The following CPLX2 variants were observed in gnomAD, a reference collection of about 807,000 sequenced individuals.
The protein encoded by CPLX2 is complexin-2.
A neutral mutation model predicts 16.3 loss-of-function variants in CPLX2; 5 were observed. The observed-to-expected ratio is 0.31, with a 90% CI of 0.16 to 0.64. The LOEUF (loss-of-function observed/expected upper bound fraction) is 0.64. Ranked by LOEUF, CPLX2 falls within the 30% of genes least tolerant of loss-of-function variation. The probability of loss-of-function intolerance (pLI) is 0.79; values close to 1 mark genes in which losing one functional copy is unlikely to be tolerated. For missense variants in CPLX2, 144 were observed against 181.4 expected, an observed-to-expected ratio of 0.79 and a Z score of 1.18; for synonymous variants, 89 against 73.2, an observed-to-expected ratio of 1.22 and a Z score of -1.10.
At chr5:175,857,655 A>T (rs1759284721) in intron 2 of CPLX2, among the ~76,000 whole-genome samples, 1 of 152,224 alleles carries the variant, frequency 6.6e-6, no homozygotes, top group Admixed American at 6.5e-5. Context: ...GAGTGGTTGT[A>T]TGGGTACCTG....
At chr5:175,871,291 G>A (rs1008037514), upstream of CPLX2, among the ~76,000 whole-genome samples, 1 of 148,310 alleles carries the variant, frequency 6.7e-6, no homozygotes, top group Non-Finnish European at 1.5e-5. Context: ...TAAGGTGGAG[G>A]AGAGAGGGGA....
chr5:175,866,457 C>T (rs1279795605), intron 2 of CPLX2, among the ~76,000 whole-genome samples: 1 of 152,152 alleles, frequency 6.6e-6, no homozygotes, highest in East Asian at 1.9e-4. Flanking sequence ...GACTGATTTG[C>T]AGACATGAAA....
intron 2 of CPLX2, among the ~76,000 whole-genome samples, chr5:175,864,028 GT>G (rs1373066654): frequency 3.3e-5 from 5 of 152,240 alleles, no homozygotes; most frequent in African/African-American, 1.2e-4. Context: ...TTGTCTAGTG[GT>G]TAGTCTGCCC....
chr5:175,834,425 C>T (rs954427232), intron 2 of CPLX2, among the ~76,000 whole-genome samples: 82 of 152,274 alleles, frequency 5.4e-4, no homozygotes, highest in African/African-American at 1.9e-3. Flanking sequence ...ACTAAGTAGA[C>T]GCAGAGTCTG....
At position 175,880,866 on chromosome 5, in the gene CPLX2, A is replaced by C. The variant is rs371945163; in HGVS notation, c.*821A>C. On this transcript the variant is annotated 3_prime_UTR_variant, in exon 4 of 4. Coordinates refer to ENST00000393745, the MANE Select transcript of CPLX2 (RefSeq NM_001008220.2). ...TGGAGCCATCGGGTAGCGATGGTCT[A>C]TGCCATGGGGAACACCTCCATTGGT... 1 of 152,796 alleles carries C rather than the reference A, an allele frequency of 6.5e-6. No individual in the cohort carries two copies. The highest frequency in any genetic ancestry group is 1.5e-5 in the Non-Finnish European group (1 of 68,180). The allele number at this position is 152,796 out of a possible 1,614,324, so 9.5% of individuals were successfully genotyped here. A position where few individuals can be genotyped will look rare whatever the true frequency, so the allele number is the denominator to read the frequency against.
At chr5:175,854,900 G>A (rs1320557650) in intron 2 of CPLX2, among the ~76,000 whole-genome samples, 1 of 152,232 alleles carries the variant, frequency 6.6e-6, no homozygotes, top group African/African-American at 2.4e-5. Context: ...CAGGCGCTGT[G>A]CCAAGGCATC....
intron 2 of CPLX2, among the ~76,000 whole-genome samples, chr5:175,860,458 A>G (rs907186806): frequency 1.7e-4 from 23 of 134,842 alleles, no homozygotes; most frequent in East Asian, 7.2e-4. Context: ...AAGAGAGAGA[A>G]AGAAAGAGAG....
At chr5:175,803,269 GT>G (rs1231633590) in intron 1 of CPLX2, among the ~76,000 whole-genome samples, 1 of 152,198 alleles carries the variant, frequency 6.6e-6, no homozygotes, top group African/African-American at 2.4e-5. Context: ...GCCAATAACT[GT>G]TTTAGAAGCT....
Position 175,815,471 on chromosome 5 carries a change from AG to A in CPLX2, c.-89+6404del, listed in dbSNP as rs1458698272. Among the ~76,000 whole-genome samples, 4 of 152,218 alleles carry A rather than the reference AG, an allele frequency of 2.6e-5. No homozygotes were observed. The East Asian group carries it at 7.7e-4, about 29-fold the overall frequency. ...CTCCAGGGAGTGGAGTTACCACTCC[AG>A]CAGTTACCACACAGGCACGGGGCCC... is the stretch of plus-strand genomic sequence containing the variant. On this transcript the variant is annotated intron_variant, in intron 2 of 4. Coordinates refer to the CPLX2 transcript ENST00000359546.
At chr5:175,871,427 GAGAGAC>G (rs1759597472), upstream of CPLX2, 2 of 108,168 alleles carry the variant, frequency 1.8e-5, no homozygotes, top group Admixed American at 8.8e-5. Context: ...GAGAGAGAGA[GAGAGAC>G]AGAGAGAGAG....
intron 2 of CPLX2, among the ~76,000 whole-genome samples, chr5:175,836,095 A>G (rs1758829702): frequency 6.6e-6 from 1 of 152,146 alleles, no homozygotes; most frequent in South Asian, 2.1e-4. Context: ...TCACGCCTGT[A>G]ATTCCAGCAC....
At chr5:175,854,123 G>A (rs1208748768) in intron 2 of CPLX2, among the ~76,000 whole-genome samples, 1 of 152,184 alleles carries the variant, frequency 6.6e-6, no homozygotes, top group Non-Finnish European at 1.5e-5. Flanking sequence ...CCGGTGCCCT[G>A]TCCCCAGCAC....
intron 2 of CPLX2, among the ~76,000 whole-genome samples, chr5:175,836,213 G>A (rs1021068106): frequency 8.5e-5 from 13 of 152,262 alleles, no homozygotes; most frequent in Admixed American, 3.9e-4. Context: ...AGCTGGGCGT[G>A]GTGGCGGGCA....
Position 175,880,310 on chromosome 5 carries a change from C to G in CPLX2, c.*265C>G, listed in dbSNP as rs960348827. On this transcript the variant is annotated 3_prime_UTR_variant, in exon 4 of 4. Transcript: ENST00000393745. ...GGGTCAGGGGGGCCCCTCAGGAAGC[C>G]TAAGGTCGTGCTAGTGTGGTGACCC... 11 of 531,638 alleles carry G rather than the reference C, an allele frequency of 2.1e-5. No homozygotes were observed. Among genetic ancestry groups the G allele is most frequent in the African/African-American group, 1.3e-4 (7 of 52,396 alleles). The allele number at this position is 531,638 out of a possible 1,614,324, so 32.9% of individuals were successfully genotyped here. A position where few individuals can be genotyped will look rare whatever the true frequency, so the allele number is the denominator to read the frequency against.
intron 2 of CPLX2, among the ~76,000 whole-genome samples, chr5:175,846,987 A>C (rs940220741): frequency 6.6e-6 from 1 of 152,156 alleles, no homozygotes; most frequent in African/African-American, 2.4e-5. Flanking sequence ...GCCTCCTCAT[A>C]TGTAGTGCAG....
chr5:175,866,337 G>C (rs1046099082), intron 2 of CPLX2, among the ~76,000 whole-genome samples: 1 of 152,240 alleles, frequency 6.6e-6, no homozygotes. Context: ...GGTTGGAGGA[G>C]AGGAGACAGA....
At chr5:175,801,180 G>C (rs1458955627) in intron 1 of CPLX2, among the ~76,000 whole-genome samples, 1 of 100,102 alleles carries the variant, frequency 1.0e-5, no homozygotes, top group East Asian at 3.5e-4. Flanking sequence ...AAAAAAACTG[G>C]GTTTTAAAAA....
rs1382116270 is a variant in CPLX2, at chr5:175,830,278, A to G, written c.-89+21210A>G. On this transcript the variant is annotated intron_variant, in intron 2 of 4. Transcript: ENST00000359546. This position sits in a 1 kb window ranked among gnomAD's most constrained non-coding sequence, Gnocchi z 4.0. ...AAATGATGGCATCTTTTGTGGCTGA[A>G]TTTTCACAACTCATGAGAGAGGAAG... Among the ~76,000 whole-genome samples, 2 of 152,068 alleles carry G rather than the reference A, an allele frequency of 1.3e-5. No homozygotes were observed. The highest frequency in any genetic ancestry group is 2.9e-5 in the Non-Finnish European group (2 of 68,008).
intron 1 of CPLX2, among the ~76,000 whole-genome samples, chr5:175,799,052 A>G (rs958084908): frequency 2.0e-5 from 3 of 152,234 alleles, no homozygotes; most frequent in Admixed American, 6.5e-5. Context: ...GATGAGCCAC[A>G]TGCATTAAAA....
Sources: gnomAD v4.1 joint callset for allele counts (sites outside exome capture counted in the v4.1 genomes callset) on GRCh38, gnomAD v4.1.1 for gene constraint, Gnocchi (gnomAD v3.1) non-coding constraint, MANE v1.5 for transcripts, NCBI Gene and HGNC (gene_info 2026-07-23, HGNC 2026-07-21) for gene names.